Variants in HECW2 observed in about 807,000 individuals in gnomAD.
HECW2 encodes the protein HECT, C2 and WW domain containing E3 ubiquitin protein ligase 2, also known as E3 ubiquitin-protein ligase HECW2.
A neutral mutation model predicts 175.2 loss-of-function variants in HECW2; 61 were observed. That is an observed-to-expected ratio of 0.35 (90% CI 0.28 to 0.43). HECW2 has a LOEUF of 0.43. Among genes scored for constraint, HECW2 ranks in the 20% least tolerant of loss-of-function variants. The pLI is 1.00. For synonymous variants in HECW2, 671 were observed against 731.0 expected (o/e 0.92, Z 1.32); for missense variants, 1,524 against 2,000.5 (o/e 0.76, Z 4.54).
intron 17 of HECW2, among the ~76,000 whole-genome samples, chr2:196,258,737 A>G (rs1343980962): frequency 6.6e-6 from 1 of 152,214 alleles, no homozygotes; most frequent in East Asian, 1.9e-4. Context: ...ATTAACTTTT[A>G]TAAGATGAAG....
intron 28 of HECW2, among the ~76,000 whole-genome samples, chr2:196,214,013 C>T (rs1189214622): frequency 1.3e-5 from 2 of 152,168 alleles, no homozygotes; most frequent in Non-Finnish European, 2.9e-5. Context: ...ATGCAAATAT[C>T]CTGCCTGATA....
At chr2:196,348,896 GGAACTCTGTGT>G (rs1198355647) in intron 2 of HECW2, among the ~76,000 whole-genome samples, 3 of 152,064 alleles carry the variant, frequency 2.0e-5, no homozygotes, top group Non-Finnish European at 2.9e-5. Flanking sequence ...CACCCTCACT[GGAACTCTGTGT>G]GAACTCTGTG....
At chr2:196,510,869 G>A (rs1025993619) in intron 1 of HECW2, among the ~76,000 whole-genome samples, 4 of 152,092 alleles carry the variant, frequency 2.6e-5, no homozygotes, top group South Asian at 4.1e-4. Context: ...TAGTAGTGAG[G>A]ACTATGAGGA....
intron 18 of HECW2, among the ~76,000 whole-genome samples, chr2:196,257,134 G>A (rs986751942): frequency 6.6e-6 from 1 of 152,162 alleles, no homozygotes; most frequent in East Asian, 1.9e-4. Context: ...CCCAACCACT[G>A]GGTAGAGCAA....
intron 21 of HECW2, among the ~76,000 whole-genome samples, chr2:196,234,513 T>C (rs990211220): frequency 6.6e-6 from 1 of 152,132 alleles, no homozygotes; most frequent in African/African-American, 2.4e-5. Flanking sequence ...CAATCTAGTT[T>C]GGAACTCCTC....
intron 14 of HECW2, among the ~76,000 whole-genome samples, chr2:196,279,680 T>C (rs1181945714): frequency 6.6e-6 from 1 of 152,226 alleles, no homozygotes; most frequent in Non-Finnish European, 1.5e-5. Flanking sequence ...CAGTTTTTCA[T>C]TACTCTTTAA....
intron 12 of HECW2, among the ~76,000 whole-genome samples, 161 bp from the exon 13 acceptor site, chr2:196,306,773 T>G (rs143957108): frequency 6.6e-6 from 1 of 152,340 alleles, no homozygotes; most frequent in Non-Finnish European, 1.5e-5. Context: ...AATTCATACA[T>G]AAAACATGGC....
intron 17 of HECW2, among the ~76,000 whole-genome samples, chr2:196,261,725 A>C (rs1490272880): frequency 6.6e-6 from 1 of 152,190 alleles, no homozygotes; most frequent in East Asian, 1.9e-4. Flanking sequence ...TTTTAACTTA[A>C]TTTGTATGTC....
chr2:196,243,436 G>A (rs1688537301), intron 19 of HECW2, among the ~76,000 whole-genome samples: 1 of 151,934 alleles, frequency 6.6e-6, no homozygotes, highest in Non-Finnish European at 1.5e-5. Flanking sequence ...CAAAGTGCTG[G>A]GATTACTGGT....
At chr2:196,527,338 A>G (rs901750789) in intron 1 of HECW2, among the ~76,000 whole-genome samples, 7 of 152,112 alleles carry the variant, frequency 4.6e-5, no homozygotes, top group African/African-American at 7.2e-5. Flanking sequence ...GCTTCGGCTC[A>G]CGCACGGTGC....
At chr2:196,306,994 T>C in intron 12 of HECW2, 136 bp downstream of exon 12, 5 of 598,278 alleles carry the variant, frequency 8.4e-6, no homozygotes, top group Non-Finnish European at 1.5e-5. Flanking sequence ...TGGTGAATTC[T>C]GTTTTTTGAG....
At chr2:196,345,392 C>T (rs1484012734) in intron 2 of HECW2, among the ~76,000 whole-genome samples, 2 of 152,190 alleles carry the variant, frequency 1.3e-5, no homozygotes, top group African/African-American at 2.4e-5. Flanking sequence ...TCCCATCCAG[C>T]TAATGGTGAC....
chr2:196,515,076 G>A (rs1293183904), intron 1 of HECW2, among the ~76,000 whole-genome samples: 1 of 152,178 alleles, frequency 6.6e-6, no homozygotes, highest in Non-Finnish European at 1.5e-5. Context: ...AGCCTCCAGG[G>A]ACCACTGCAT....
chr2:196,433,115 C>G lies in HECW2; in HGVS notation c.292+17G>C. On this transcript the variant is annotated intron_variant, in intron 2 of 28. Transcript: ENST00000644978. ...GTATGCTCTGAGTCACATGCAAGTC[C>G]ATTCCACTTGACTCACCTATATGAT... The G allele has an allele frequency of 1.9e-6, 3 of 1,584,406 alleles. No homozygotes were observed. Among genetic ancestry groups the G allele is most frequent in the Non-Finnish European group, 2.6e-6 (3 of 1,161,186 alleles).
chr2:196,278,128 TAAAAAATA>T lies in HECW2; in HGVS notation c.3135+392_3135+399del, dbSNP rs1405740784. Among the ~76,000 whole-genome samples, 80 of 30,216 alleles carry T rather than the reference TAAAAAATA, an allele frequency of 2.6e-3. 10 individuals are homozygous for T. The highest frequency in any genetic ancestry group is 6.3e-3 in the Admixed American group (11 of 1,734). 19.8% of individuals were successfully genotyped at this position (30,216 alleles called of 152,430 possible). A position where few individuals can be genotyped will look rare whatever the true frequency, so the allele number is the denominator to read the frequency against. On this transcript the variant is annotated intron_variant, in intron 15 of 28. Coordinates refer to ENST00000644978, the MANE Select transcript of HECW2 (RefSeq NM_001348768.2). ...TGTACCCTAGAACTTAAAGTATAAT[TAAAAAATA>T]TATATATATATATATAAAGAAATTC...
At chr2:196,367,954 T>G (rs1021536477) in intron 2 of HECW2, among the ~76,000 whole-genome samples, 1 of 150,810 alleles carries the variant, frequency 6.6e-6, no homozygotes, top group East Asian at 1.9e-4. Context: ...GAGATACATA[T>G]ATATGATACA....
chr2:196,528,853 G>T (rs1688753655), intron 1 of HECW2, among the ~76,000 whole-genome samples: 1 of 152,208 alleles, frequency 6.6e-6, no homozygotes, highest in South Asian at 2.1e-4. Context: ...CCATGAATGA[G>T]AACAGTCAGG....
At chr2:196,474,335 G>C (rs1056008581) in intron 1 of HECW2, among the ~76,000 whole-genome samples, 10 of 152,186 alleles carry the variant, frequency 6.6e-5, no homozygotes, top group African/African-American at 1.2e-4. Context: ...GTAAGAAAGT[G>C]CACATCAGCC....
chr2:196,583,529 G>A (rs1341120833), intron 1 of HECW2, among the ~76,000 whole-genome samples: 2 of 152,232 alleles, frequency 1.3e-5, no homozygotes, highest in African/African-American at 2.4e-5. Flanking sequence ...TGGTGATCCT[G>A]ATGCTGCCTG....
Sources: gnomAD v4.1 joint callset for allele counts (sites outside exome capture counted in the v4.1 genomes callset) on GRCh38, gnomAD v4.1.1 for gene constraint, MANE v1.5 for transcripts, NCBI Gene and HGNC (gene_info 2026-07-23, HGNC 2026-07-21) for gene names.